The following SH3BGRL variants were observed in gnomAD, a reference collection of about 807,000 sequenced individuals.
SH3BGRL encodes the protein SH3 domain binding glutamate rich protein like.
A neutral mutation model predicts 9.8 loss-of-function variants in SH3BGRL; 7 were observed. That is an observed-to-expected ratio of 0.72 (90% confidence interval 0.41 to 1.35). The LOEUF is 1.35. Among genes scored for constraint, SH3BGRL ranks in the 40% most tolerant of loss-of-function variants. The pLI is 0.01. For synonymous variants in SH3BGRL, 36 were observed against 29.1 expected, an observed-to-expected ratio of 1.24 and a Z score of -0.76; for missense variants, 73 against 84.4, an observed-to-expected ratio of 0.86 and a Z score of 0.53.
At chrX:81,242,652 A>G (rs902692596) in intron 1 of SH3BGRL, among the ~76,000 whole-genome samples, 5 of 111,707 alleles carry the variant, frequency 4.5e-5, no homozygotes, top group Admixed American at 9.5e-5. Flanking sequence ...AGTAGTAGAC[A>G]ATATTTGCAA....
At chrX:81,284,793 CATAA>C (rs757885139) in intron 3 of SH3BGRL, among the ~76,000 whole-genome samples, 4 of 109,998 alleles carry the variant, frequency 3.6e-5, no homozygotes, top group Non-Finnish European at 5.7e-5. Context: ...AGGCTAAGAT[CATAA>C]ATAAATAAAT....
intron 1 of SH3BGRL, among the ~76,000 whole-genome samples, chrX:81,242,747 C>CA (rs1284182338): frequency 9.0e-6 from 1 of 111,365 alleles, no homozygotes. Flanking sequence ...ATAATCCAAT[C>CA]AAAAAATGGG....
chrX:81,290,337 G>A (rs2075853429), intron 3 of SH3BGRL, among the ~76,000 whole-genome samples: 1 of 112,013 alleles, frequency 8.9e-6, no homozygotes, highest in South Asian at 3.7e-4. Flanking sequence ...AAGTGTCCAT[G>A]AACAGATGAG....
intron 1 of SH3BGRL, among the ~76,000 whole-genome samples, chrX:81,258,129 C>T (rs1257950109): frequency 1.8e-5 from 2 of 111,203 alleles, no homozygotes. Context: ...ATATATTATT[C>T]TCCAGAATTC....
chrX:81,214,812 C>G (rs2075576460), intron 1 of SH3BGRL, among the ~76,000 whole-genome samples: 1 of 111,889 alleles, frequency 8.9e-6, no homozygotes, highest in South Asian at 3.6e-4. Context: ...TTATTACCAC[C>G]ATTTATTTGC....
At chrX:81,205,590 T>A (rs2147663264) in intron 1 of SH3BGRL, among the ~76,000 whole-genome samples, 1 of 107,041 alleles carries the variant, frequency 9.3e-6, no homozygotes, top group African/African-American at 3.4e-5. Context: ...ATAGTTATTT[T>A]GAATAGTTCT....
rs2075719935 is a variant in SH3BGRL at position 81,254,600 on chromosome X, TG to T, written c.46-22383del. On this transcript the variant is annotated intron_variant, in intron 1 of 3. Transcript: ENST00000373212. ...TAACATAGTCTGAAAAGGTAGTATT[TG>T]CTTTTGTTGTGTGTGTTTTCTTTAG... Among the ~76,000 whole-genome samples the T allele has an allele frequency of 2.7e-5, 3 of 112,086 alleles. No homozygotes were observed. In the South Asian group the frequency reaches 1.1e-3, roughly 42 times the overall value.
chrX:81,267,230 C>T (rs2075760336), intron 1 of SH3BGRL, among the ~76,000 whole-genome samples: 1 of 111,908 alleles, frequency 8.9e-6, no homozygotes, highest in Admixed American at 9.5e-5. Context: ...CTGGCCAGAA[C>T]TTCCAATACT....
intron 3 of SH3BGRL, among the ~76,000 whole-genome samples, chrX:81,291,574 T>G (rs1310131083): frequency 8.9e-6 from 1 of 111,840 alleles, no homozygotes; most frequent in Admixed American, 9.4e-5. Context: ...AAATCTCATG[T>G]CCTTTTCACA....
intron 1 of SH3BGRL, among the ~76,000 whole-genome samples, chrX:81,215,749 A>G (rs1177501447): frequency 9.0e-6 from 1 of 111,602 alleles, no homozygotes; most frequent in Non-Finnish European, 1.9e-5. Context: ...CAGTTCTGAA[A>G]AGTGATAAGT....
intron 3 of SH3BGRL, among the ~76,000 whole-genome samples, chrX:81,278,779 G>A (rs998316706): frequency 2.7e-5 from 3 of 111,984 alleles, no homozygotes; most frequent in African/African-American, 9.7e-5. Context: ...CTCCTTGGCA[G>A]CACTTATTGT....
chrX:81,259,801 G>A (rs1335854447), intron 1 of SH3BGRL, among the ~76,000 whole-genome samples: 1 of 112,105 alleles, frequency 8.9e-6, no homozygotes, highest in East Asian at 2.8e-4. Context: ...TGTTATGGAA[G>A]CACTGTTGTG....
intron 1 of SH3BGRL, among the ~76,000 whole-genome samples, chrX:81,231,381 A>T (rs1024239225): frequency 8.9e-6 from 1 of 112,286 alleles, no homozygotes; most frequent in African/African-American, 3.2e-5. Context: ...AAATAAAGAG[A>T]GTTGAATTTT....
At chrX:81,281,630 G>T (rs1051485035) in intron 3 of SH3BGRL, among the ~76,000 whole-genome samples, 1 of 111,929 alleles carries the variant, frequency 8.9e-6, no homozygotes, top group Non-Finnish European at 1.9e-5. Context: ...GAGAGAATTC[G>T]CCATTATCAA....
At chrX:81,221,351 A>T (rs754491820) in intron 1 of SH3BGRL, among the ~76,000 whole-genome samples, 4 of 111,494 alleles carry the variant, frequency 3.6e-5, no homozygotes, top group African/African-American at 9.8e-5. Flanking sequence ...GAGTTAATTC[A>T]TGTCGCTGCT....
intron 3 of SH3BGRL, among the ~76,000 whole-genome samples, chrX:81,287,419 C>T (rs2075838684): frequency 9.0e-6 from 1 of 111,406 alleles, no homozygotes; most frequent in South Asian, 3.7e-4. Flanking sequence ...AAGATTGAAC[C>T]ATGAAGAAAT....
intron 1 of SH3BGRL, among the ~76,000 whole-genome samples, chrX:81,208,614 T>C (rs1288073854): frequency 8.9e-6 from 1 of 112,409 alleles, no homozygotes; most frequent in East Asian, 2.8e-4. Flanking sequence ...CTGTTTGCTT[T>C]CAGATCTACT....
intron 1 of SH3BGRL, among the ~76,000 whole-genome samples, chrX:81,231,420 C>A (rs1034147124): frequency 4.5e-5 from 5 of 111,883 alleles, no homozygotes; most frequent in Non-Finnish European, 7.5e-5. Flanking sequence ...ATAATGTTAG[C>A]CTTTGAGGGT....
chrX:81,250,808 G>T (rs2075707364), intron 1 of SH3BGRL, among the ~76,000 whole-genome samples: 1 of 111,790 alleles, frequency 8.9e-6, no homozygotes. Flanking sequence ...TCCTTCAATT[G>T]TACTGGTAGA....
Sources: gnomAD v4.1 joint callset for allele counts (sites outside exome capture counted in the v4.1 genomes callset) on GRCh38, gnomAD v4.1.1 for gene constraint, MANE v1.5 for transcripts, NCBI Gene and HGNC (gene_info 2026-07-23, HGNC 2026-07-21) for gene names.